The following KDM2A variants were observed in gnomAD, a reference collection of about 807,000 sequenced individuals.
KDM2A encodes lysine demethylase 2A, also known as lysine-specific demethylase 2A.
In KDM2A, 3 loss-of-function variants were observed where a neutral mutation model predicts 137.3. The ratio of observed to expected loss-of-function variants is 0.02; its 90% CI spans 0.01 to 0.06. The LOEUF is 0.06. Ranked by LOEUF, KDM2A falls within the 10% of genes least tolerant of loss-of-function variation. KDM2A has a pLI of 1.00. For synonymous variants in KDM2A, 512 were observed against 541.5 expected, an observed-to-expected ratio of 0.95 and a Z score of 0.76; for missense variants, 738 against 1,510.6, an observed-to-expected ratio of 0.49 and a Z score of 8.48.
chr11:67,207,775 A>G (rs1325197572), intron 6 of KDM2A, 87 bp downstream of exon 6: 1 of 1,161,740 alleles, frequency 8.6e-7, no homozygotes. Context: ...TTGTTATCCC[A>G]GCACTTTGGG....
At chr11:67,166,406 G>T (rs1023938499) in intron 2 of KDM2A, among the ~76,000 whole-genome samples, 1 of 151,826 alleles carries the variant, frequency 6.6e-6, no homozygotes, top group African/African-American at 2.4e-5. Context: ...GGCTGGTCTC[G>T]AACTCCTGAC....
At chr11:67,230,621 G>A (rs983377331) in intron 11 of KDM2A, among the ~76,000 whole-genome samples, 7 of 151,254 alleles carry the variant, frequency 4.6e-5, no homozygotes, top group African/African-American at 1.7e-4. Context: ...GTGAGAACCT[G>A]TCTCAAAACA....
At chr11:67,239,334 CA>C (rs1390243653) in intron 12 of KDM2A, among the ~76,000 whole-genome samples, 1 of 152,188 alleles carries the variant, frequency 6.6e-6, no homozygotes, top group Non-Finnish European at 1.5e-5. Flanking sequence ...GCTGCGCAGA[CA>C]TTTCTAGTAC....
intron 5 of KDM2A, among the ~76,000 whole-genome samples, chr11:67,198,427 A>G (rs1175497864): frequency 6.6e-6 from 1 of 151,998 alleles, no homozygotes; most frequent in East Asian, 1.9e-4. Context: ...TCACATTTTA[A>G]AACCTTTTCA....
chr11:67,167,146 G>A (rs1170874576), intron 2 of KDM2A, among the ~76,000 whole-genome samples: 1 of 152,276 alleles, frequency 6.6e-6, no homozygotes, highest in East Asian at 1.9e-4. Flanking sequence ...ACAAATATAT[G>A]CATATTCTAG....
At chr11:67,229,511 A>G (rs1325529010) in intron 11 of KDM2A, among the ~76,000 whole-genome samples, 2 of 152,198 alleles carry the variant, frequency 1.3e-5, no homozygotes, top group Admixed American at 6.5e-5. Flanking sequence ...TCCAAGCAAG[A>G]TATTTTTTGC....
At chr11:67,208,593 A>G (rs948314014) in intron 6 of KDM2A, among the ~76,000 whole-genome samples, 5 of 151,920 alleles carry the variant, frequency 3.3e-5, no homozygotes, top group Non-Finnish European at 7.4e-5. Context: ...AACATGGCAA[A>G]ACTCCCATCT....
intron 6 of KDM2A, among the ~76,000 whole-genome samples, chr11:67,211,857 T>C (rs1275789010): frequency 6.6e-6 from 1 of 152,146 alleles, no homozygotes; most frequent in Non-Finnish European, 1.5e-5. Context: ...AGGGTTTGCC[T>C]ATTCATTTAT....
intron 2 of KDM2A, among the ~76,000 whole-genome samples, chr11:67,158,651 G>A (rs1856572820): frequency 6.6e-6 from 1 of 152,102 alleles, no homozygotes; most frequent in Non-Finnish European, 1.5e-5. Context: ...ACAATGTTCA[G>A]CATCTTTTCT....
Position 67,252,981 on chromosome 11 carries a change from T to C in KDM2A, c.2932+124T>C, listed in dbSNP as rs902415795. On this transcript the variant is annotated intron_variant, in intron 18 of 20. Coordinates refer to ENST00000529006, the MANE Select transcript of KDM2A (RefSeq NM_012308.3). ...AGTGTAGGGCAGCAGTCCCATGCCA[T>C]TGTTGCTTAGCAAGAGGTTTACCCA... 7 of 1,086,058 alleles carry C rather than the reference T, an allele frequency of 6.4e-6. No homozygotes were observed. In the African/African-American group the frequency reaches 1.1e-4, roughly 17 times the overall value. The allele number at this position is 1,086,058 out of a possible 1,614,324, so 67.3% of individuals were successfully genotyped here.
chr11:67,163,175 C>T (rs182639793), intron 2 of KDM2A, among the ~76,000 whole-genome samples: 2 of 152,166 alleles, frequency 1.3e-5, no homozygotes, highest in South Asian at 2.1e-4. Context: ...GCTACACTTT[C>T]GTATTTATGT....
intron 6 of KDM2A, among the ~76,000 whole-genome samples, chr11:67,212,655 C>T (rs1030912714): frequency 2.0e-4 from 30 of 152,044 alleles, no homozygotes; most frequent in African/African-American, 6.8e-4. Flanking sequence ...AAGAAAAGCA[C>T]GAACATGTTA....
At chr11:67,207,115 A>G (rs541776975) in intron 5 of KDM2A, among the ~76,000 whole-genome samples, 8 of 152,346 alleles carry the variant, frequency 5.3e-5, no homozygotes, top group Non-Finnish European at 8.8e-5. Flanking sequence ...AAATCAGTAT[A>G]GATCAGTAAG....
chr11:67,201,830 C>CACCTATT (rs1301337426), intron 5 of KDM2A, among the ~76,000 whole-genome samples: 2 of 144,978 alleles, frequency 1.4e-5, no homozygotes, highest in Admixed American at 1.4e-4. Flanking sequence ...TGGTGTACAC[C>CACCTATT]TGTAGTCCCA....
chr11:67,214,995 A>G (rs756992763), intron 6 of KDM2A, among the ~76,000 whole-genome samples: 1 of 152,190 alleles, frequency 6.6e-6, no homozygotes, highest in Non-Finnish European at 1.5e-5. Context: ...CTTCCAGACA[A>G]CACCTTTTAT....
At chr11:67,203,368 C>T (rs955013691) in intron 5 of KDM2A, among the ~76,000 whole-genome samples, 8 of 150,516 alleles carry the variant, frequency 5.3e-5, no homozygotes, top group African/African-American at 1.9e-4. Context: ...ACAATATCTC[C>T]AAGATATGGT....
chr11:67,119,599 C>T lies in KDM2A; in HGVS notation c.-534C>T, dbSNP rs1279700651. The T allele has an allele frequency of 6.7e-6, 1 of 150,120 alleles. No individual in the cohort carries two copies. The highest frequency in any genetic ancestry group is 1.5e-5 in the Non-Finnish European group (1 of 67,336). 9.3% of individuals were successfully genotyped at this position (150,120 alleles called of 1,614,324 possible). ...CCGCGCCGCTCCCGCCCTGTCCGCC[C>T]CCCGGGGCCGGGGCCCGCGTTCCGG... On this transcript the variant is annotated 5_prime_UTR_variant, in exon 1 of 21. Transcript: ENST00000529006.
At chr11:67,152,174 G>A (rs954705359) in intron 2 of KDM2A, among the ~76,000 whole-genome samples, 6 of 152,000 alleles carry the variant, frequency 3.9e-5, no homozygotes, top group African/African-American at 1.2e-4. Flanking sequence ...AAAGCCAGGC[G>A]TGGTGGTGTG....
At chr11:67,200,894 T>G (rs1377943717) in intron 5 of KDM2A, among the ~76,000 whole-genome samples, 4 of 151,962 alleles carry the variant, frequency 2.6e-5, no homozygotes, top group African/African-American at 9.7e-5. Context: ...GTCTTATTAT[T>G]TAAGAAATAT....
Sources: gnomAD v4.1 joint callset for allele counts (sites outside exome capture counted in the v4.1 genomes callset) on GRCh38, gnomAD v4.1.1 for gene constraint, MANE v1.5 for transcripts, NCBI Gene and HGNC (gene_info 2026-07-23, HGNC 2026-07-21) for gene names.